Variants in OPHN1 observed in about 807,000 individuals in gnomAD.
The protein encoded by OPHN1 is oligophrenin-1.
A neutral mutation model predicts 60.7 loss-of-function variants in OPHN1; 11 were observed. The ratio of observed to expected loss-of-function variants is 0.18; its 90% CI spans 0.11 to 0.30. The LOEUF is 0.30. OPHN1 is among the 10% of genes least tolerant of loss of function. OPHN1 has a pLI of 1.00. For synonymous variants in OPHN1, 226 were observed against 222.6 expected (o/e 1.02, Z -0.14); for missense variants, 449 against 611.0 (o/e 0.73, Z 2.80).
chrX:68,348,134 C>T (rs1195561885), intron 2 of OPHN1, among the ~76,000 whole-genome samples: 1 of 111,871 alleles, frequency 8.9e-6, no homozygotes, highest in African/African-American at 3.2e-5. Context: ...GGACTAGCCT[C>T]CCCAAGGTCA....
chrX:68,287,950 C>T (rs1435370236), intron 3 of OPHN1, among the ~76,000 whole-genome samples: 1 of 111,913 alleles, frequency 8.9e-6, no homozygotes, highest in Non-Finnish European at 1.9e-5. Context: ...TTGATCCTTA[C>T]TTTCAATTAA....
intron 22 of OPHN1, among the ~76,000 whole-genome samples, chrX:68,052,815 T>C: frequency 1.8e-5 from 2 of 112,602 alleles, no homozygotes; most frequent in East Asian, 5.6e-4. Flanking sequence ...CAGAATGGTC[T>C]GAGTATGTTG....
At chrX:68,086,867 G>C (rs2076997999) in intron 19 of OPHN1, among the ~76,000 whole-genome samples, 1 of 111,759 alleles carries the variant, frequency 8.9e-6, no homozygotes, top group South Asian at 3.8e-4. Context: ...TGAGGCCAAA[G>C]GCTTGGCTGG....
rs749677351 is a variant in OPHN1 at position 68,053,756 on chromosome X, A to G, written c.2213T>C (p.Ile738Thr). The change falls in exon 22 of 25, where the codon ATC (isoleucine) becomes ACC (threonine). Residue 738 changes from isoleucine (I) to threonine (T), a missense_variant. Physicochemically the swap from Ile to Thr is moderately conservative, Grantham distance 89 (BLOSUM62 -1). This residue lies in a region of OPHN1 where 184 missense variants were observed against 160.5 expected (regional missense o/e 1.15). Transcript: ENST00000355520. ...ATCTGGGGGCCTCACTGGGGGGCGG[A>G]TGATGGTTGGCTTTTCTCCTGGAGG... ...VRPPGEKPTIIRPPVRPPDPP... is the reference protein window; with the variant it reads ...VRPPGEKPTITRPPVRPPDPP... 5.8e-6 allele frequency: 7 copies of G among 1,208,349 alleles called. No homozygotes were observed. Among genetic ancestry groups the G allele is most frequent in the Non-Finnish European group, 6.7e-6 (6 of 894,882 alleles).
chrX:68,206,545 C>T (rs1347362400), intron 10 of OPHN1, 28 bp downstream of exon 10: 1 of 1,110,385 alleles, frequency 9.0e-7, no homozygotes, highest in Admixed American at 2.2e-5. Context: ...GATCCATTTC[C>T]AAAAATATGG....
chrX:68,388,325 T>C (rs1189425799), intron 2 of OPHN1, among the ~76,000 whole-genome samples: 1 of 106,950 alleles, frequency 9.4e-6, no homozygotes, highest in Non-Finnish European at 1.9e-5. Flanking sequence ...CCATGTGTGG[T>C]GGCATGCACC....
chrX:68,354,135 T>A (rs1341696983), intron 2 of OPHN1, among the ~76,000 whole-genome samples: 3 of 111,038 alleles, frequency 2.7e-5, no homozygotes, highest in Non-Finnish European at 5.7e-5. Context: ...CAAGGCATTG[T>A]TGAGCAGTGT....
chrX:68,233,667 C>G (rs1434599204), intron 6 of OPHN1, among the ~76,000 whole-genome samples: 1 of 111,009 alleles, frequency 9.0e-6, no homozygotes, highest in Non-Finnish European at 1.9e-5. Flanking sequence ...TCCTTCCATC[C>G]TTGGGCCATT....
At chrX:68,287,157 G>GAAAGAAAGA (rs751225452) in intron 3 of OPHN1, among the ~76,000 whole-genome samples, 2,090 of 40,832 alleles carry the variant, frequency 0.051, 33 homozygotes, top group Non-Finnish European at 0.062. Flanking sequence ...AAGAAAGAAG[G>GAAAGAAAGA]AAAGAAAGAA....
chrX:68,311,089 T>C (rs973074885), intron 2 of OPHN1, among the ~76,000 whole-genome samples: 4 of 107,742 alleles, frequency 3.7e-5, no homozygotes, highest in African/African-American at 1.5e-4. Context: ...AAGTTGTCTC[T>C]ACCCCTTCAA....
At chrX:68,169,287 A>G (rs916890927) in intron 15 of OPHN1, among the ~76,000 whole-genome samples, 3 of 111,283 alleles carry the variant, frequency 2.7e-5, no homozygotes, top group African/African-American at 9.8e-5. Context: ...AATAGGATAC[A>G]AAGAAATGGA....
chrX:68,241,686 G>T (rs1296245645), intron 5 of OPHN1, among the ~76,000 whole-genome samples: 1 of 111,633 alleles, frequency 9.0e-6, no homozygotes, highest in African/African-American at 3.3e-5. Flanking sequence ...TTGGGAGGCT[G>T]AGGCAGTCAG....
intron 2 of OPHN1, among the ~76,000 whole-genome samples, chrX:68,349,562 A>G (rs1425799276): frequency 1.8e-5 from 2 of 110,473 alleles, no homozygotes; most frequent in Non-Finnish European, 3.8e-5. Context: ...TACTGGGTAT[A>G]TACCCAAAGG....
chrX:68,423,621 ACT>A (rs1270480804), intron 2 of OPHN1, among the ~76,000 whole-genome samples: 5 of 110,587 alleles, frequency 4.5e-5, no homozygotes, highest in African/African-American at 1.6e-4. Context: ...CTAACCTGAT[ACT>A]CTCTCTAATA....
chrX:68,224,530 C>T (rs1192249217), intron 6 of OPHN1, among the ~76,000 whole-genome samples: 1 of 111,423 alleles, frequency 9.0e-6, no homozygotes, highest in Non-Finnish European at 1.9e-5. Context: ...AATGTTAAGA[C>T]ATTTTGAATT....
intron 14 of OPHN1, 62 bp from the exon 15 acceptor site, chrX:68,193,055 G>T: frequency 1.1e-6 from 1 of 882,765 alleles, no homozygotes; most frequent in Non-Finnish European, 1.7e-6. Context: ...TCTCCCCTTG[G>T]TACACTAGGG....
chrX:68,042,836 A>G lies in OPHN1; in HGVS notation c.*4336T>C, dbSNP rs1445731437. 9 of 58,653 alleles carry G rather than the reference A, an allele frequency of 1.5e-4. No individual in the cohort carries two copies. In the East Asian group the frequency reaches 4.3e-3, roughly 28 times the overall value. The allele number at this position is 58,653 out of a possible 1,213,427, so 4.8% of individuals were successfully genotyped here. On this transcript the variant is annotated 3_prime_UTR_variant, in exon 25 of 25. Transcript: ENST00000355520. The stretch of plus-strand genomic sequence containing the variant: ...GGCGATTCCTCAGGGATCTAGAACT[A>G]GAAATACCATTTGACCCAGCCATCC...
chrX:68,165,841 T>C (rs1227148105), intron 15 of OPHN1, among the ~76,000 whole-genome samples: 1 of 112,424 alleles, frequency 8.9e-6, no homozygotes, highest in Non-Finnish European at 1.9e-5. Context: ...GTTATGAAGA[T>C]GGTGTAAACC....
intron 15 of OPHN1, among the ~76,000 whole-genome samples, chrX:68,184,059 G>A (rs746547391): frequency 5.4e-5 from 6 of 111,729 alleles, no homozygotes; most frequent in Admixed American, 9.5e-5. Context: ...TGAGTCGGAG[G>A]GGGGAGGGAT....
Sources: allele counts gnomAD v4.1 joint callset (sites outside exome capture counted in the v4.1 genomes callset), GRCh38; gene constraint gnomAD v4.1.1; regional missense constraint gnomAD v4.1.1; transcripts MANE v1.5; gene names NCBI Gene and HGNC (gene_info 2026-07-23, HGNC 2026-07-21).